Variants in STX5 observed in about 807,000 individuals in gnomAD.
STX5 encodes syntaxin 5, also known as syntaxin-5.
In STX5, 15 loss-of-function variants were observed where a neutral mutation model predicts 42.9. The observed-to-expected ratio is 0.35, with a 90% CI of 0.23 to 0.54. The LOEUF (loss-of-function observed/expected upper bound fraction) is 0.54. STX5 is among the 20% of genes least tolerant of loss of function. STX5 has a pLI of 0.91. For synonymous variants in STX5, 184 were observed against 173.2 expected (o/e 1.06, Z -0.49); for missense variants, 430 against 455.0 (o/e 0.95, Z 0.50).
chr11:62,814,052 A>G (rs865775107), intron 10 of STX5, among the ~76,000 whole-genome samples: 1 of 152,194 alleles, frequency 6.6e-6, no homozygotes, highest in Non-Finnish European at 1.5e-5. Flanking sequence ...CCCACCAGAC[A>G]TATTTGGAAC....
chr11:62,826,984 A>C (rs2084803459), intron 5 of STX5, among the ~76,000 whole-genome samples, 171 bp downstream of exon 5: 1 of 152,058 alleles, frequency 6.6e-6, no homozygotes. Flanking sequence ...CCAGGAGTTA[A>C]GGGCTGCAGT....
rs1157447285 is a variant in STX5 at position 62,825,038 on chromosome 11, AG to A, written c.676del (p.Leu226TrpfsTer22). 1 of 1,613,892 alleles carries A rather than the reference AG, an allele frequency of 6.2e-7. No individual in the cohort carries two copies. The highest frequency in any genetic ancestry group is 8.5e-7 in the Non-Finnish European group (1 of 1,179,976). ...TCCCCGTTTTACCTGTGACTTACCC[AG>A]GTGGTTAGGGGCAAGGGGCAGGGCT... ...VSALPLAPNH[L>X]GGGAVVLGAE... On this transcript the variant is annotated frameshift_variant, in exon 8 of 11. Coordinates refer to ENST00000294179, the MANE Select transcript of STX5 (RefSeq NM_003164.5). LOFTEE classifies it high-confidence loss of function.
chr11:62,809,015 A>T (rs906804079), intron 10 of STX5, among the ~76,000 whole-genome samples: 2 of 152,032 alleles, frequency 1.3e-5, no homozygotes, highest in Non-Finnish European at 2.9e-5. Flanking sequence ...GGGGCCGGAC[A>T]TGGTGGCTCA....
At chr11:62,831,386 C>T (rs2084861123) in intron 1 of STX5, 124 bp from the exon 2 acceptor site, 1 of 752,374 alleles carries the variant, frequency 1.3e-6, no homozygotes, top group African/African-American at 1.7e-5. Flanking sequence ...GCCCAGGACG[C>T]TCGCAAATCC....
chr11:62,830,603 G>A, intron 2 of STX5: 2 of 464,304 alleles, frequency 4.3e-6, no homozygotes, highest in South Asian at 1.6e-5. Context: ...TAATCTTACA[G>A]AGATAAAAAC....
In STX5 at chr11:62,827,703, G is replaced by T; in HGVS notation, c.226-72C>A. On this transcript the variant is annotated intron_variant, in intron 2 of 10. Coordinates refer to ENST00000294179, the MANE Select transcript of STX5 (RefSeq NM_003164.5). ...AGTTCCAGCTTTCACTCTTCCTGAGGTGTCCACTAACCTATCTCTAGTGCT... is the reference window on the plus strand; with the variant it reads ...AGTTCCAGCTTTCACTCTTCCTGAGTTGTCCACTAACCTATCTCTAGTGCT... The T allele has an allele frequency of 2.0e-6, 3 of 1,511,828 alleles. No individual in the cohort carries two copies. In the East Asian group the frequency reaches 6.8e-5, roughly 34 times the overall value. The allele number at this position is 1,511,828 out of a possible 1,614,324, so 93.7% of individuals were successfully genotyped here.
At chr11:62,807,885 A>T (rs575593949) in intron 10 of STX5, 19 of 536,982 alleles carry the variant, frequency 3.5e-5, no homozygotes, top group Admixed American at 2.3e-4. Flanking sequence ...AAATGAGGAT[A>T]ACCCAAACCC....
At position 62,827,217 on chromosome 11, in the gene STX5, G is replaced by A. The variant is rs144967757; in HGVS notation, c.361C>T (p.Arg121Cys). Residue 121 changes from arginine (R) to cysteine (C), a missense_variant, in exon 5 of 11, where the codon CGC becomes TGC. Coordinates refer to ENST00000294179, the MANE Select transcript of STX5 (RefSeq NM_003164.5). ...KLEKLTILAK[R>C]KSLFDDKAVE... ...GCTTTATCATCAAAGAGGGACTTGC[G>A]CTTTGCCACTACAGAGACAAACAAG... is the stretch of plus-strand genomic sequence containing the variant. 4,415 of 1,614,084 alleles carry A rather than the reference G, an allele frequency of 2.7e-3. 13 individuals are homozygous for A. The highest frequency in any genetic ancestry group is 3.6e-3 in the Non-Finnish European group (4,197 of 1,180,006).
chr11:62,825,563 A>G (rs758866434), intron 5 of STX5, 24 bp from the exon 6 acceptor site: 2 of 1,605,986 alleles, frequency 1.2e-6, no homozygotes, highest in Admixed American at 3.3e-5. Context: ...CCAAGGAAAA[A>G]CAAAGTATTA....
At chr11:62,826,726 A>C (rs2134852310) in intron 5 of STX5, among the ~76,000 whole-genome samples, 1 of 151,714 alleles carries the variant, frequency 6.6e-6, no homozygotes, top group Non-Finnish European at 1.5e-5. Flanking sequence ...TAAAGATAAA[A>C]CAATTAGCCA....
At chr11:62,815,438 T>C (rs2134821828) in intron 10 of STX5, among the ~76,000 whole-genome samples, 1 of 149,796 alleles carries the variant, frequency 6.7e-6, no homozygotes, top group African/African-American at 2.5e-5. Context: ...GTGTGGTTTT[T>C]ATTTTTTGAG....
At chr11:62,810,119 AAAG>A (rs1354464171) in intron 10 of STX5, among the ~76,000 whole-genome samples, 10 of 151,094 alleles carry the variant, frequency 6.6e-5, no homozygotes, top group South Asian at 2.1e-4. Context: ...AAAAAAAAAA[AAAG>A]AAAGAAAAAG....
intron 10 of STX5, among the ~76,000 whole-genome samples, chr11:62,808,594 AT>A (rs1214197635): frequency 6.6e-6 from 1 of 152,182 alleles, no homozygotes; most frequent in African/African-American, 2.4e-5. Flanking sequence ...TACTAAAAAA[AT>A]AATAATAAAT....
At chr11:62,828,149 C>G (rs953593286) in intron 2 of STX5, among the ~76,000 whole-genome samples, 7 of 151,844 alleles carry the variant, frequency 4.6e-5, no homozygotes, top group Non-Finnish European at 1.0e-4. Context: ...GGGTCTCACT[C>G]TGTCTCCCAG....
At chr11:62,827,051 T>TA in intron 5 of STX5, 104 bp downstream of exon 5, 2 of 1,099,856 alleles carry the variant, frequency 1.8e-6, no homozygotes, top group Admixed American at 2.2e-5. Context: ...CCCCCCTCTC[T>TA]AAAAAAAGAA....
chr11:62,812,894 C>T (rs1448062664), intron 10 of STX5, among the ~76,000 whole-genome samples: 2 of 151,360 alleles, frequency 1.3e-5, no homozygotes, highest in East Asian at 2.0e-4. Flanking sequence ...GGGCGGATCA[C>T]GAGGTCTAGG....
chr11:62,829,367 T>C (rs549210618), intron 2 of STX5, among the ~76,000 whole-genome samples: 29 of 151,966 alleles, frequency 1.9e-4, no homozygotes, highest in African/African-American at 6.5e-4. Flanking sequence ...GAGGTTGCAG[T>C]GAGCTAAGAT....
chr11:62,807,540 G>A lies in STX5; in HGVS notation c.997C>T (p.Arg333Trp), dbSNP rs566308675. Residue 333 changes from arginine to tryptophan, a missense_variant, in exon 11 of 11, where the codon CGG becomes TGG. Coordinates refer to ENST00000294179, the MANE Select transcript of STX5 (RefSeq NM_003164.5). ...LKYFQSVTSN[R>W]WLMVKIFLIL... ...AGGAAGATTTTGACCATGAGCCACC[G>A]GTTGGAGGTGACAGACTGGAAGTAC... The A allele has an allele frequency of 5.1e-5, 82 of 1,614,176 alleles. No individual in the cohort carries two copies. Among genetic ancestry groups the A allele is most frequent in the African/African-American group, 6.7e-5 (5 of 75,046 alleles).
In STX5 at chr11:62,830,463, C is replaced by T. The variant is rs375980642; in HGVS notation, c.225+556G>A. ...TCAGGAGGCTGAGGAAAGAGGATCC[C>T]TTGAGTCTAGGAGTTCAAGACTGCA... is the stretch of plus-strand genomic sequence containing the variant. On this transcript the variant is annotated intron_variant, in intron 2 of 10. Coordinates refer to ENST00000294179, the MANE Select transcript of STX5 (RefSeq NM_003164.5). 9 of 449,960 alleles carry T rather than the reference C, an allele frequency of 2.0e-5. No individual in the cohort carries two copies. The East Asian group carries it at 2.8e-4, about 14-fold the overall frequency. 27.9% of individuals were successfully genotyped at this position (449,960 alleles called of 1,614,324 possible). A position where few individuals can be genotyped will look rare whatever the true frequency, so the allele number is the denominator to read the frequency against.
Sources: allele counts gnomAD v4.1 joint callset (sites outside exome capture counted in the v4.1 genomes callset), GRCh38; gene constraint gnomAD v4.1.1; transcripts MANE v1.5; gene names NCBI Gene and HGNC (gene_info 2026-07-23, HGNC 2026-07-21).